The following ANKH variants were observed in gnomAD, a reference collection of about 807,000 sequenced individuals.
ANKH encodes the protein ANKH inorganic pyrophosphate transport regulator.
ANKH carries 15 observed loss-of-function variants against 49.0 expected under a neutral mutation model. That is an observed-to-expected ratio of 0.31 (90% CI 0.20 to 0.47). The LOEUF (loss-of-function observed/expected upper bound fraction) is 0.47. ANKH is among the 20% of genes least tolerant of loss of function. The pLI, the probability that ANKH is intolerant of heterozygous loss-of-function variation, is 1.00. For missense variants in ANKH, 429 were observed against 652.0 expected, an observed-to-expected ratio of 0.66 and a Z score of 3.72; for synonymous variants, 273 against 260.0, an observed-to-expected ratio of 1.05 and a Z score of -0.48.
At chr5:14,844,234 C>G (rs1437787891) in intron 1 of ANKH, among the ~76,000 whole-genome samples, 1 of 152,166 alleles carries the variant, frequency 6.6e-6, no homozygotes, top group African/African-American at 2.4e-5. Flanking sequence ...GTCTTATGTA[C>G]CTCTCCTATA....
At chr5:14,744,794 C>G (rs1304307058) in intron 7 of ANKH, among the ~76,000 whole-genome samples, 1 of 152,236 alleles carries the variant, frequency 6.6e-6, no homozygotes, top group African/African-American at 2.4e-5. Flanking sequence ...TCAGAACCCA[C>G]AAACGGTCTC....
intron 1 of ANKH, among the ~76,000 whole-genome samples, chr5:14,771,993 G>A (rs1739458237): frequency 6.6e-6 from 1 of 150,698 alleles, no homozygotes; most frequent in Admixed American, 6.6e-5. Context: ...ATAATTGGAT[G>A]TCATTGATTG....
chr5:14,820,530 T>A (rs1215133853), intron 1 of ANKH, among the ~76,000 whole-genome samples: 1 of 152,172 alleles, frequency 6.6e-6, no homozygotes, highest in Non-Finnish European at 1.5e-5. Flanking sequence ...GACACCACAA[T>A]TAGGGAGATT....
At chr5:14,764,303 C>T (rs1164288335) in intron 2 of ANKH, among the ~76,000 whole-genome samples, 2 of 152,040 alleles carry the variant, frequency 1.3e-5, no homozygotes, top group Non-Finnish European at 2.9e-5. Context: ...CGTTCTGATT[C>T]CTGGCCTCAG....
At chr5:14,738,489 G>A (rs1038377261) in intron 8 of ANKH, among the ~76,000 whole-genome samples, 6 of 152,146 alleles carry the variant, frequency 3.9e-5, no homozygotes, top group Non-Finnish European at 5.9e-5. Flanking sequence ...GTTGGCCAAT[G>A]CGTGGAGGGC....
At chr5:14,862,063 C>T (rs985735466) in intron 1 of ANKH, among the ~76,000 whole-genome samples, 1 of 152,094 alleles carries the variant, frequency 6.6e-6, no homozygotes, top group African/African-American at 2.4e-5. Flanking sequence ...TGGTGAAACC[C>T]CGTCTCTACC....
chr5:14,810,306 C>T (rs1197262265), intron 1 of ANKH, among the ~76,000 whole-genome samples: 5 of 151,796 alleles, frequency 3.3e-5, no homozygotes, highest in Non-Finnish European at 7.4e-5. Context: ...TACAGGCGCC[C>T]GCCACCAGGC....
intron 8 of ANKH, among the ~76,000 whole-genome samples, chr5:14,717,247 T>C (rs1737503840): frequency 1.3e-5 from 2 of 152,148 alleles, no homozygotes; most frequent in South Asian, 4.1e-4. Context: ...GACCTGAAAG[T>C]ACTTGGATGT....
intron 1 of ANKH, among the ~76,000 whole-genome samples, chr5:14,812,117 TAAAAAAAA>T (rs55728743): frequency 7.9e-6 from 1 of 126,556 alleles, no homozygotes; most frequent in African/African-American, 3.0e-5. Context: ...GTATTTATCT[TAAAAAAAA>T]AAAAAAAAAA....
chr5:14,863,686 C>T (rs963752144), intron 1 of ANKH, among the ~76,000 whole-genome samples: 1 of 151,976 alleles, frequency 6.6e-6, no homozygotes, highest in Non-Finnish European at 1.5e-5. Context: ...TTAATGTAGA[C>T]ACCACCCAAG....
chr5:14,834,530 T>C lies in ANKH; in HGVS notation c.96+36822A>G, dbSNP rs145257907. On this transcript the variant is annotated intron_variant, in intron 1 of 11. Coordinates refer to ENST00000284268, the MANE Select transcript of ANKH (RefSeq NM_054027.6). ...GCGCAGTGGCTCATGCCTGTAATCC[T>C]AGCACTTTGGGAGGCTGAGGTGGGC... 2.7e-3 allele frequency among the ~76,000 whole-genome samples: 417 copies of C among 152,230 alleles called. 2 individuals are homozygous for C. The highest frequency in any genetic ancestry group is 5.6e-3 in the Admixed American group (85 of 15,274).
At position 14,798,848 on chromosome 5, in the gene ANKH, A is replaced by G. The variant is rs370462560; in HGVS notation, c.97-29657T>C. Among the ~76,000 whole-genome samples the G allele has an allele frequency of 4.6e-5, 7 of 152,160 alleles. No homozygotes were observed. In the East Asian group the frequency reaches 1.2e-3, roughly 25 times the overall value. On this transcript the variant is annotated intron_variant, in intron 1 of 11. Coordinates refer to ENST00000284268, the MANE Select transcript of ANKH (RefSeq NM_054027.6). ...ACAAAACAATACTGAAATTGGGCCA[A>G]TTAATAACCCTACAATGGCCTCTAA...
chr5:14,772,384 C>T (rs1400764106), intron 1 of ANKH, among the ~76,000 whole-genome samples: 3 of 152,048 alleles, frequency 2.0e-5, no homozygotes, highest in Admixed American at 6.6e-5. Flanking sequence ...GTATGCTAGC[C>T]GTAGGAACTC....
intron 1 of ANKH, among the ~76,000 whole-genome samples, chr5:14,832,718 T>C (rs1441999860): frequency 6.6e-6 from 1 of 152,236 alleles, no homozygotes; most frequent in Non-Finnish European, 1.5e-5. Flanking sequence ...TATTTGCCTG[T>C]AGAGTTTGTT....
chr5:14,715,506 G>A (rs147618177), intron 9 of ANKH, among the ~76,000 whole-genome samples: 1 of 152,276 alleles, frequency 6.6e-6, no homozygotes, highest in Non-Finnish European at 1.5e-5. Flanking sequence ...ATCTTTTGGG[G>A]AAACCGATTT....
intron 1 of ANKH, among the ~76,000 whole-genome samples, chr5:14,799,374 G>A (rs1489174029): frequency 2.6e-5 from 4 of 152,200 alleles, no homozygotes; most frequent in African/African-American, 9.7e-5. Flanking sequence ...TAATGAAGGT[G>A]GCTACATTAT....
intron 11 of ANKH, among the ~76,000 whole-genome samples, chr5:14,712,484 GC>G (rs1378741539): frequency 6.6e-6 from 1 of 152,240 alleles, no homozygotes; most frequent in Non-Finnish European, 1.5e-5. Context: ...GTCTTGGACT[GC>G]CCAGTCCTTG....
Position 14,707,134 on chromosome 5 carries a change from C to T in ANKH, c.*4063G>A, listed in dbSNP as rs1736970251. 1 of 152,222 alleles carries T rather than the reference C, an allele frequency of 6.6e-6. No individual in the cohort carries two copies. Among genetic ancestry groups the T allele is most frequent in the Admixed American group, 6.5e-5 (1 of 15,292 alleles). 9.4% of individuals were successfully genotyped at this position (152,222 alleles called of 1,614,324 possible). A position where few individuals can be genotyped will look rare whatever the true frequency, so the allele number is the denominator to read the frequency against. ...AGTCAGCTCACCTGCAAAGCTGGTACTAACCGGCACATGCTGTCCTGGGCA... is the reference window on the plus strand; with the variant it reads ...AGTCAGCTCACCTGCAAAGCTGGTATTAACCGGCACATGCTGTCCTGGGCA... On this transcript the variant is annotated 3_prime_UTR_variant, in exon 12 of 12. Transcript: ENST00000284268.
intron 4 of ANKH, 29 bp downstream of exon 4, chr5:14,755,832 G>T (rs748492082): frequency 1.9e-6 from 3 of 1,598,660 alleles, no homozygotes; most frequent in South Asian, 2.2e-5. Context: ...ACTCTGAGGA[G>T]CTCTGATTGA....
Sources: allele counts gnomAD v4.1 joint callset (sites outside exome capture counted in the v4.1 genomes callset), GRCh38; gene constraint gnomAD v4.1.1; transcripts MANE v1.5; gene names NCBI Gene and HGNC (gene_info 2026-07-23, HGNC 2026-07-21).